Variants in PCDHA12 observed in about 807,000 individuals in gnomAD.
PCDHA12 encodes the protein protocadherin alpha-12.
Under a neutral mutation model 60.0 loss-of-function variants are expected in PCDHA12, and 44 were observed. The ratio of observed to expected loss-of-function variants is 0.73; its 90% CI spans 0.58 to 0.94. The LOEUF is 0.94. Ranked by LOEUF, PCDHA12 falls within the 40% of genes least tolerant of loss-of-function variation. PCDHA12 has a pLI of 0.00. For synonymous variants in PCDHA12, 569 were observed against 553.0 expected, an observed-to-expected ratio of 1.03 and a Z score of -0.40; for missense variants, 1,276 against 1,239.7, an observed-to-expected ratio of 1.03 and a Z score of -0.44.
chr5:140,917,633 A>T (rs537704186), intron 1 of PCDHA12, among the ~76,000 whole-genome samples: 1 of 152,268 alleles, frequency 6.6e-6, no homozygotes, highest in East Asian at 1.9e-4. Context: ...ATGGTTAGCT[A>T]GTTATCCCAG....
chr5:140,877,748 G>T lies in PCDHA12; in HGVS notation c.2276G>T (p.Cys759Phe). 1 of 1,614,188 alleles carries T rather than the reference G, an allele frequency of 6.2e-7. No individual in the cohort carries two copies. Among genetic ancestry groups the T allele is most frequent in the Non-Finnish European group, 8.5e-7 (1 of 1,180,026 alleles). The change falls in exon 1 of 4, where the codon TGC becomes TTC. Residue 759 changes from cysteine to phenylalanine, a missense_variant. By Grantham distance (205) the Cys-to-Phe change is radical. Coordinates refer to ENST00000398631, the MANE Select transcript of PCDHA12 (RefSeq NM_018903.4). ...SYSQQRRQRVCSAESPPKTDL... is the reference protein window; with the variant it reads ...SYSQQRRQRVFSAESPPKTDL... ...TCGCAGCAGAGGAGGCAGAGGGTGT[G>T]CTCTGCAGAGAGCCCGCCCAAGACG...
chr5:140,920,716 C>T (rs1456008356), intron 1 of PCDHA12, among the ~76,000 whole-genome samples: 3 of 151,916 alleles, frequency 2.0e-5, no homozygotes, highest in South Asian at 2.1e-4. Flanking sequence ...TGGTGGTGTG[C>T]GCCTGCAGTC....
intron 1 of PCDHA12, among the ~76,000 whole-genome samples, chr5:140,906,185 A>G (rs574875890): frequency 2.8e-4 from 43 of 152,270 alleles, no homozygotes; most frequent in African/African-American, 1.0e-3. Flanking sequence ...GCATCCTTCA[A>G]TCCAATCAAG....
intron 1 of PCDHA12, among the ~76,000 whole-genome samples, chr5:140,897,927 C>T (rs2066407931): frequency 6.6e-6 from 1 of 152,196 alleles, no homozygotes. Context: ...ATTTGCGTTT[C>T]TCTGATGGCC....
chr5:140,882,423 T>C (rs1554174072), intron 1 of PCDHA12: 2 of 1,614,052 alleles, frequency 1.2e-6, no homozygotes, highest in African/African-American at 2.7e-5. Context: ...GCTCAGGACC[T>C]GGGGCTGGAG....
rs372500794 is a variant in PCDHA12, at chr5:140,876,782, C to T, written c.1310C>T (p.Ala437Val). The change falls in exon 1 of 4, where the codon GCC becomes GTC. Residue 437 changes from alanine (A) to valine (V), a missense_variant. Transcript: ENST00000398631. ...GATGGGGGCTCGCCTTCGCTGTGGGCCACGGCTAGAGTGTCCGTGGAGGTG... is the reference window on the plus strand; with the variant it reads ...GATGGGGGCTCGCCTTCGCTGTGGGTCACGGCTAGAGTGTCCGTGGAGGTG... ...ARDGGSPSLW[A>V]TARVSVEVAD... 4 of 1,614,096 alleles carry T rather than the reference C, an allele frequency of 2.5e-6. No homozygotes were observed. Among genetic ancestry groups the T allele is most frequent in the African/African-American group, 2.7e-5 (2 of 74,928 alleles).
In PCDHA12 at chr5:140,982,576, G is replaced by C. The variant is rs782355791; in HGVS notation, c.2515+13G>C. ...AGTGCAACACCAGGTAAAGAGCTGG[G>C]GTCTCTCCATTCTTTCTTGGTTTCT... On this transcript the variant is annotated intron_variant, in intron 3 of 3. Transcript: ENST00000398631. 3.1e-6 allele frequency: 5 copies of C among 1,613,270 alleles called. 1 individual carries two copies. In the South Asian group the frequency reaches 5.5e-5, roughly 18 times the overall value.
chr5:140,893,528 G>C (rs541953324), intron 1 of PCDHA12, among the ~76,000 whole-genome samples: 2 of 152,254 alleles, frequency 1.3e-5, no homozygotes, highest in Admixed American at 6.5e-5. Context: ...ACTCCTTTAA[G>C]TATTTCTTGT....
chr5:140,901,539 A>C (rs192107124), intron 1 of PCDHA12, among the ~76,000 whole-genome samples: 1 of 151,952 alleles, frequency 6.6e-6, no homozygotes, highest in African/African-American at 2.4e-5. Context: ...TTGGTTCTCT[A>C]TTCTGTTCCA....
At chr5:140,988,182 G>A (rs191995725) in intron 3 of PCDHA12, among the ~76,000 whole-genome samples, 79 of 152,240 alleles carry the variant, frequency 5.2e-4, no homozygotes, top group African/African-American at 1.5e-3. Flanking sequence ...ACAGTCCTGG[G>A]AGGTGTGTGC....
intron 1 of PCDHA12, among the ~76,000 whole-genome samples, chr5:140,886,847 A>AT (rs2061191950): frequency 6.6e-6 from 1 of 151,038 alleles, no homozygotes; most frequent in Non-Finnish European, 1.5e-5. Flanking sequence ...AAAAAAAAAA[A>AT]GAAAGGTCTT....
intron 1 of PCDHA12, chr5:140,884,399 T>C (rs1554181524): frequency 6.2e-6 from 10 of 1,613,990 alleles, no homozygotes; most frequent in African/African-American, 4.0e-5. Flanking sequence ...GTCCAGCCTG[T>C]TGGTGCTCAC....
At chr5:140,989,060 G>A (rs1233023153) in intron 3 of PCDHA12, 1 of 152,138 alleles carries the variant, frequency 6.6e-6, no homozygotes, top group Non-Finnish European at 1.5e-5. Context: ...CTACATTGAG[G>A]CAATACAGTC....
intron 1 of PCDHA12, among the ~76,000 whole-genome samples, chr5:140,908,919 G>T (rs781892541): frequency 1.3e-5 from 2 of 152,158 alleles, no homozygotes; most frequent in Non-Finnish European, 2.9e-5. Context: ...TGTAGGAGGG[G>T]CCAAATGCAG....
At chr5:140,903,386 T>C (rs1053060392) in intron 1 of PCDHA12, among the ~76,000 whole-genome samples, 3 of 152,222 alleles carry the variant, frequency 2.0e-5, no homozygotes, top group Non-Finnish European at 4.4e-5. Context: ...TTGTGGTTAC[T>C]TCTAGAAACA....
At chr5:140,923,888 G>A (rs575485843) in intron 1 of PCDHA12, among the ~76,000 whole-genome samples, 1 of 152,294 alleles carries the variant, frequency 6.6e-6, no homozygotes, top group Admixed American at 6.5e-5. Context: ...GTGTGAAAGA[G>A]GAGGAGTTTC....
chr5:140,908,308 G>A (rs1011025623), intron 1 of PCDHA12, among the ~76,000 whole-genome samples: 19 of 152,170 alleles, frequency 1.2e-4, no homozygotes, highest in African/African-American at 4.6e-4. Context: ...AAGGAAGGGC[G>A]GCAGGAGTGG....
intron 1 of PCDHA12, among the ~76,000 whole-genome samples, chr5:140,909,427 T>C (rs777444474): frequency 5.8e-4 from 88 of 152,174 alleles, no homozygotes; most frequent in Non-Finnish European, 6.5e-4. Context: ...GTTAAACTTA[T>C]GATAATCCAC....
chr5:140,945,635 T>C (rs1200996842), intron 1 of PCDHA12, among the ~76,000 whole-genome samples: 1 of 152,024 alleles, frequency 6.6e-6, no homozygotes, highest in Admixed American at 6.5e-5. Context: ...ATAAAAGACA[T>C]GTAGACCAAT....
Sources: allele counts gnomAD v4.1 joint callset (sites outside exome capture counted in the v4.1 genomes callset), GRCh38; gene constraint gnomAD v4.1.1; transcripts MANE v1.5; gene names NCBI Gene and HGNC (gene_info 2026-07-23, HGNC 2026-07-21).